The following TNN variants were observed in gnomAD, a reference collection of about 807,000 sequenced individuals.
TNN encodes tenascin-N.
TNN carries 122 observed loss-of-function variants against 134.4 expected under a neutral mutation model. The ratio of observed to expected loss-of-function variants is 0.91; its 90% CI spans 0.78 to 1.06. TNN has a LOEUF of 1.06. Among genes scored for constraint, TNN ranks in the 50% least tolerant of loss-of-function variants. The pLI is 0.00. For missense variants in TNN, 1,739 were observed against 1,699.4 expected, an observed-to-expected ratio of 1.02 and a Z score of -0.41; for synonymous variants, 710 against 670.3, an observed-to-expected ratio of 1.06 and a Z score of -0.91.
chr1:175,094,344 G>C (rs1361383134), intron 7 of TNN, 91 bp downstream of exon 7: 2 of 1,327,722 alleles, frequency 1.5e-6, no homozygotes, highest in Non-Finnish European at 2.0e-6. Context: ...CCTGGCATCA[G>C]CTCTTTTGTT....
At chr1:175,142,650 C>A (rs1384267260) in intron 17 of TNN, among the ~76,000 whole-genome samples, 1 of 151,330 alleles carries the variant, frequency 6.6e-6, no homozygotes, top group Non-Finnish European at 1.5e-5. Flanking sequence ...TGGAGACTCA[C>A]TCTGTCACCC....
intron 6 of TNN, among the ~76,000 whole-genome samples, chr1:175,091,717 T>C (rs1192605743): frequency 1.3e-5 from 2 of 151,962 alleles, no homozygotes; most frequent in African/African-American, 4.8e-5. Context: ...GCCTCCCGAG[T>C]AGCTGGGATT....
Position 175,144,508 on chromosome 1 carries a change from G to A in TNN, c.3717G>A (p.Leu1239=). 1 of 1,614,216 alleles carries A rather than the reference G, an allele frequency of 6.2e-7. No individual in the cohort carries two copies. Among genetic ancestry groups the A allele is most frequent in the Non-Finnish European group, 8.5e-7 (1 of 1,180,034 alleles). ...GCTGGTGGTATAAGAACTGCCACTT[G>A]GCCAACCCTAATGGCAGATATGGGG... The part of the protein sequence containing the change: ...HGGWWYKNCH[L]ANPNGRYGET... The change falls in exon 18 of 19, where the codon TTG becomes TTA. Residue 1239 remains leucine, a synonymous_variant. Coordinates refer to ENST00000239462, the MANE Select transcript of TNN (RefSeq NM_022093.2).
Position 175,127,880 on chromosome 1 carries a change from G to A in TNN, c.3046-152G>A, listed in dbSNP as rs574677500. Reference sequence around the variant, plus strand: ...CAGAGAAGTGGCTGGGACCCACTGCGATTCTGGGCTGCCACTGAGGCTTCG... The same window carrying A: ...CAGAGAAGTGGCTGGGACCCACTGCAATTCTGGGCTGCCACTGAGGCTTCG... On this transcript the variant is annotated intron_variant, in intron 13 of 18. Coordinates refer to ENST00000239462, the MANE Select transcript of TNN (RefSeq NM_022093.2). 32 of 834,816 alleles carry A rather than the reference G, an allele frequency of 3.8e-5. No homozygotes were observed. In the African/African-American group the frequency reaches 3.9e-4, roughly 10 times the overall value. The allele number at this position is 834,816 out of a possible 1,614,324, so 51.7% of individuals were successfully genotyped here.
intron 9 of TNN, among the ~76,000 whole-genome samples, chr1:175,106,815 G>T (rs2149435691): frequency 6.9e-6 from 1 of 145,860 alleles, no homozygotes; most frequent in South Asian, 2.3e-4. Context: ...AAAAGCGGAA[G>T]CTGGTTCTAG....
rs906427902 is a variant in TNN at position 175,112,247 on chromosome 1, AT to A, written c.2120-4683del. 1.3e-3 allele frequency among the ~76,000 whole-genome samples: 182 copies of A among 135,380 alleles called. 1 individual carries two copies. The highest frequency in any genetic ancestry group is 7.9e-3 in the Middle Eastern group (2 of 252). 88.8% of individuals were successfully genotyped at this position (135,380 alleles called of 152,430 possible). A position where few individuals can be genotyped will look rare whatever the true frequency, so the allele number is the denominator to read the frequency against. ...TGCTTTTTGCATCTATTGAGATGATATTTTTTTTTATTCTTCATTGTGTTTA... is the reference window on the plus strand; with the variant it reads ...TGCTTTTTGCATCTATTGAGATGATATTTTTTTTATTCTTCATTGTGTTTA... On this transcript the variant is annotated intron_variant, in intron 9 of 18. Coordinates refer to ENST00000239462, the MANE Select transcript of TNN (RefSeq NM_022093.2).
At chr1:175,074,442 G>T (rs1040780047) in intron 1 of TNN, among the ~76,000 whole-genome samples, 2 of 145,668 alleles carry the variant, frequency 1.4e-5, no homozygotes, top group Admixed American at 1.4e-4. Context: ...CCGTGATTGT[G>T]CCAATGCACT....
chr1:175,142,624 C>CT (rs67784796), intron 17 of TNN, among the ~76,000 whole-genome samples: 53,349 of 146,616 alleles, frequency 0.36, 10,293 homozygotes, highest in Non-Finnish European at 0.45. Flanking sequence ...TTTTTCTTTT[C>CT]TTTTTTTTTT....
chr1:175,087,896 G>A (rs556616377), intron 6 of TNN, among the ~76,000 whole-genome samples: 2 of 152,240 alleles, frequency 1.3e-5, no homozygotes, highest in East Asian at 1.9e-4. Context: ...CTCACAGAAC[G>A]CAGGGAAACA....
At chr1:175,130,838 G>C (rs970172074) in intron 15 of TNN, among the ~76,000 whole-genome samples, 1 of 152,038 alleles carries the variant, frequency 6.6e-6, no homozygotes, top group Non-Finnish European at 1.5e-5. Context: ...CACAGAGATC[G>C]GTTCCAAAAA....
chr1:175,119,954 A>G lies in TNN; in HGVS notation c.2650+1130A>G, dbSNP rs185107471. On this transcript the variant is annotated intron_variant, in intron 11 of 18. Transcript: ENST00000239462. ...CGCCTGGGCCCATGAATGTCTTAAA[A>G]CTCTTTCCAAAGCCTGTGTTTTTAA... Among the ~76,000 whole-genome samples, 145 of 151,362 alleles carry G rather than the reference A, an allele frequency of 9.6e-4. 1 individual carries two copies. The highest frequency in any genetic ancestry group is 9.5e-3 in the Admixed American group (144 of 15,192).
chr1:175,095,771 A>G (rs1401844461), intron 7 of TNN, among the ~76,000 whole-genome samples: 1 of 152,116 alleles, frequency 6.6e-6, no homozygotes. Context: ...ACGGGTTTTC[A>G]CTGTGTTCCC....
intron 17 of TNN, among the ~76,000 whole-genome samples, chr1:175,140,153 G>A (rs1675911485): frequency 6.6e-6 from 1 of 152,160 alleles, no homozygotes; most frequent in African/African-American, 2.4e-5. Context: ...CAACCCTTTG[G>A]TATAATACAG....
chr1:175,090,507 A>G (rs1287698572), intron 6 of TNN, among the ~76,000 whole-genome samples: 2 of 152,120 alleles, frequency 1.3e-5, no homozygotes, highest in African/African-American at 2.4e-5. Flanking sequence ...CGTCAGTGCC[A>G]TCTTCTACTG....
At chr1:175,146,459 C>G (rs531151846) in intron 18 of TNN, among the ~76,000 whole-genome samples, 1 of 152,146 alleles carries the variant, frequency 6.6e-6, no homozygotes, top group Non-Finnish European at 1.5e-5. Context: ...TTTCAGCAGG[C>G]TATTTGTTAC....
intron 6 of TNN, among the ~76,000 whole-genome samples, chr1:175,085,804 G>C (rs557853707): frequency 3.5e-4 from 53 of 151,664 alleles, no homozygotes; most frequent in African/African-American, 1.3e-3. Flanking sequence ...AGCCCGGGAG[G>C]TGGAGGTTGT....
chr1:175,084,954 T>C (rs1674290485), intron 5 of TNN, among the ~76,000 whole-genome samples: 1 of 152,192 alleles, frequency 6.6e-6, no homozygotes, highest in African/African-American at 2.4e-5. Context: ...ATTGCACCAC[T>C]GCACTCTAGC....
intron 6 of TNN, among the ~76,000 whole-genome samples, chr1:175,090,936 G>A (rs1478812250): frequency 6.6e-6 from 1 of 152,212 alleles, no homozygotes; most frequent in African/African-American, 2.4e-5. Context: ...GAGGATGTTG[G>A]GGCCAGGGTG....
intron 9 of TNN, among the ~76,000 whole-genome samples, chr1:175,114,428 T>A (rs1045071599): frequency 6.6e-6 from 1 of 152,216 alleles, no homozygotes; most frequent in African/African-American, 2.4e-5. Context: ...CTATTCTTAT[T>A]TTCTCCATAA....
Sources: allele counts gnomAD v4.1 joint callset (sites outside exome capture counted in the v4.1 genomes callset), GRCh38; gene constraint gnomAD v4.1.1; transcripts MANE v1.5; gene names NCBI Gene and HGNC (gene_info 2026-07-23, HGNC 2026-07-21).